Variants in AQP7B observed in about 807,000 individuals in gnomAD.
The protein encoded by AQP7B is putative aquaporin-7B.
At chr2:94,592,475 C>T in the AQP7B span, among the ~76,000 whole-genome samples, 2 of 152,246 alleles carry the variant, frequency 1.3e-5, no homozygotes, top group Non-Finnish European at 2.9e-5. Flanking sequence ...GGCCCCCATC[C>T]AACTCCAGCT....
At chr2:94,604,614 A>T in the AQP7B span, 1 of 1,517,838 alleles carries the variant, frequency 6.6e-7, no homozygotes, top group Non-Finnish European at 8.9e-7. Flanking sequence ...CCAATAAAGC[A>T]AAGCTTGTCC....
At chr2:94,588,630 G>C in the AQP7B span, 7 of 767,212 alleles carry the variant, frequency 9.1e-6, no homozygotes, top group East Asian at 1.9e-4. Flanking sequence ...TCCATCCTCA[G>C]CCTCTCCCTT....
chr2:94,589,906 A>G, the AQP7B span, among the ~76,000 whole-genome samples: 2 of 151,956 alleles, frequency 1.3e-5, no homozygotes, highest in South Asian at 4.1e-4. Flanking sequence ...TCCAGTCACC[A>G]ATCTCCTAAA....
chr2:94,594,873 G>A, the AQP7B span: 2 of 1,517,992 alleles, frequency 1.3e-6, no homozygotes, highest in African/African-American at 2.7e-5. Context: ...ATGTCATGAT[G>A]GTGAGTGGGT....
At chr2:94,602,171 A>G in the AQP7B span, among the ~76,000 whole-genome samples, 1 of 151,932 alleles carries the variant, frequency 6.6e-6, no homozygotes, top group Admixed American at 6.6e-5. Context: ...CATGCCAGCC[A>G]TCCCCTCCTT....
At chr2:94,597,172 C>A in the AQP7B span, among the ~76,000 whole-genome samples, 1 of 152,170 alleles carries the variant, frequency 6.6e-6, no homozygotes, top group South Asian at 2.1e-4. Flanking sequence ...TCCCCACCTG[C>A]TTTGGCTCCT....
At chr2:94,601,369 C>T in the AQP7B span, among the ~76,000 whole-genome samples, 568 of 152,316 alleles carry the variant, frequency 3.7e-3, 1 homozygote, top group Admixed American at 6.1e-3. Flanking sequence ...GAGCCTGAGA[C>T]GCCCACGGAA....
At chr2:94,603,534 G>C in the AQP7B span, 1 of 1,583,010 alleles carries the variant, frequency 6.3e-7, no homozygotes. Context: ...CCCTCCCCCT[G>C]CCCTCCACCC....
the AQP7B span, among the ~76,000 whole-genome samples, chr2:94,601,094 C>T: frequency 1.3e-5 from 2 of 152,158 alleles, no homozygotes; most frequent in Non-Finnish European, 2.9e-5. Flanking sequence ...GAAAGCAAGG[C>T]ATGCATGGAG....
At chr2:94,595,387 A>T in the AQP7B span, among the ~76,000 whole-genome samples, 2 of 152,012 alleles carry the variant, frequency 1.3e-5, no homozygotes, top group Non-Finnish European at 2.9e-5. Flanking sequence ...GTGAGCTGAG[A>T]TCACACCATT....
At chr2:94,600,115 C>T in the AQP7B span, among the ~76,000 whole-genome samples, 7 of 152,146 alleles carry the variant, frequency 4.6e-5, no homozygotes, top group South Asian at 1.5e-3. Flanking sequence ...AGTGATCCAT[C>T]CACCTCGGCC....
chr2:94,597,697 C>A, the AQP7B span, among the ~76,000 whole-genome samples: 3 of 151,628 alleles, frequency 2.0e-5, no homozygotes, highest in Admixed American at 2.0e-4. Context: ...CTCCACCTCC[C>A]GGGTTCAAGC....
the AQP7B span, chr2:94,602,697 T>A: frequency 1.1e-5 from 15 of 1,403,470 alleles, no homozygotes; most frequent in Non-Finnish European, 1.4e-5. Context: ...AGCCAGCTCC[T>A]TTCCCAGCAC....
the AQP7B span, among the ~76,000 whole-genome samples, chr2:94,596,016 C>G: frequency 2.0e-5 from 3 of 152,146 alleles, no homozygotes; most frequent in Non-Finnish European, 4.4e-5. Context: ...GAGGGGCATG[C>G]AAAGGAGCCT....
At chr2:94,602,571 G>A in the AQP7B span, 5 of 1,601,986 alleles carry the variant, frequency 3.1e-6, no homozygotes, top group Non-Finnish European at 4.3e-6. Flanking sequence ...TTGGGTTTTG[G>A]CTTCGGGGTC....
the AQP7B span, among the ~76,000 whole-genome samples, chr2:94,598,633 G>A: frequency 6.6e-6 from 1 of 152,148 alleles, no homozygotes; most frequent in Non-Finnish European, 1.5e-5. Flanking sequence ...TGGAATGCAG[G>A]CCAGTGTTGC....
At chr2:94,597,104 G>T in the AQP7B span, among the ~76,000 whole-genome samples, 1 of 152,122 alleles carries the variant, frequency 6.6e-6, no homozygotes, top group Non-Finnish European at 1.5e-5. Flanking sequence ...TTATTAGGAC[G>T]GGTGCTCTAG....
the AQP7B span, among the ~76,000 whole-genome samples, chr2:94,591,913 C>G: frequency 6.6e-6 from 1 of 152,210 alleles, no homozygotes; most frequent in Admixed American, 6.5e-5. Flanking sequence ...CAATGCTCAT[C>G]ACACTGCATA....
At chr2:94,603,173 C>T in the AQP7B span, 3 of 1,505,136 alleles carry the variant, frequency 2.0e-6, no homozygotes, top group Non-Finnish European at 2.7e-6. Flanking sequence ...GTCTCTTCTA[C>T]AGCAAGTGTG....
Sources: allele counts gnomAD v4.1 joint callset (sites outside exome capture counted in the v4.1 genomes callset), GRCh38; gene constraint gnomAD v4.1.1; transcripts MANE v1.5; gene names NCBI Gene and HGNC (gene_info 2026-07-23, HGNC 2026-07-21).